The following NKAIN3 variants were observed in gnomAD, a reference collection of about 807,000 sequenced individuals.
NKAIN3 encodes the protein sodium/potassium transporting ATPase interacting 3.
A neutral mutation model predicts 30.2 loss-of-function variants in NKAIN3; 25 were observed. The ratio of observed to expected loss-of-function variants is 0.83; its 90% CI spans 0.60 to 1.16. The LOEUF (loss-of-function observed/expected upper bound fraction) is 1.16. NKAIN3 is among the 50% of genes most tolerant of loss of function. NKAIN3 has a pLI of 0.00. For synonymous variants in NKAIN3, 91 were observed against 89.6 expected (o/e 1.02, Z -0.09); for missense variants, 225 against 254.1 (o/e 0.89, Z 0.78).
intron 1 of NKAIN3, among the ~76,000 whole-genome samples, chr8:62,260,308 G>A (rs1812397377): frequency 6.6e-6 from 1 of 152,120 alleles, no homozygotes. Context: ...CTACACTCAA[G>A]TTATATTTCC....
intron 4 of NKAIN3, among the ~76,000 whole-genome samples, chr8:62,806,955 A>C (rs1444439812): frequency 1.3e-5 from 2 of 152,132 alleles, no homozygotes; most frequent in African/African-American, 4.8e-5. Flanking sequence ...GTGCGTGATG[A>C]AACGTAGTGA....
chr8:62,863,690 G>T, intron 4 of NKAIN3: 4 of 1,444,184 alleles, frequency 2.8e-6, no homozygotes, highest in African/African-American at 1.4e-5. Context: ...TTCATCCAAG[G>T]CTGTGTCTGT....
At chr8:62,856,903 T>G in intron 4 of NKAIN3, 1 of 581,862 alleles carries the variant, frequency 1.7e-6, no homozygotes, top group Non-Finnish European at 3.2e-6. Context: ...GATGCTCATG[T>G]CAAAGGGAGT....
intron 1 of NKAIN3, among the ~76,000 whole-genome samples, chr8:62,432,016 T>A (rs1805017202): frequency 6.6e-6 from 1 of 151,596 alleles, no homozygotes; most frequent in Non-Finnish European, 1.5e-5. Flanking sequence ...CAATAGGAAA[T>A]TAATGGAGAA....
intron 3 of NKAIN3, among the ~76,000 whole-genome samples, chr8:62,636,644 G>T (rs557499959): frequency 6.6e-6 from 1 of 152,140 alleles, no homozygotes; most frequent in Non-Finnish European, 1.5e-5. Flanking sequence ...GTACCTCTAG[G>T]GGAGCATTTT....
At chr8:62,635,041 G>A (rs979088451) in intron 3 of NKAIN3, among the ~76,000 whole-genome samples, 6 of 151,990 alleles carry the variant, frequency 3.9e-5, no homozygotes, top group African/African-American at 7.2e-5. Flanking sequence ...CTGGGGGGTC[G>A]GGGGCATGGG....
At chr8:62,294,883 TCA>T (rs1205446349) in intron 1 of NKAIN3, among the ~76,000 whole-genome samples, 1 of 152,078 alleles carries the variant, frequency 6.6e-6, no homozygotes, top group East Asian at 1.9e-4. Flanking sequence ...CCTACATAGT[TCA>T]AATTCTAGAG....
chr8:62,336,396 G>T (rs952059641), intron 1 of NKAIN3, among the ~76,000 whole-genome samples: 1 of 152,058 alleles, frequency 6.6e-6, no homozygotes, highest in East Asian at 1.9e-4. Flanking sequence ...CAAACTTTCT[G>T]CCAGTACAGA....
At chr8:62,776,176 T>G (rs1563556488) in intron 4 of NKAIN3, among the ~76,000 whole-genome samples, 1 of 152,130 alleles carries the variant, frequency 6.6e-6, no homozygotes, top group African/African-American at 2.4e-5. Flanking sequence ...AGTGTGTTTC[T>G]TCTAGGGGTC....
intron 3 of NKAIN3, among the ~76,000 whole-genome samples, chr8:62,658,333 A>C (rs1342188121): frequency 6.6e-6 from 1 of 152,152 alleles, no homozygotes; most frequent in Non-Finnish European, 1.5e-5. Flanking sequence ...GCAAAATTTA[A>C]TTTCGCGGTG....
intron 1 of NKAIN3, among the ~76,000 whole-genome samples, chr8:62,396,038 A>C (rs2351659): frequency 6.6e-6 from 1 of 151,986 alleles, no homozygotes; most frequent in Non-Finnish European, 1.5e-5. Flanking sequence ...TGAAGAAAAA[A>C]GAGGTTTTTA....
chr8:62,670,742 G>C (rs73682630), intron 3 of NKAIN3, among the ~76,000 whole-genome samples: 2 of 151,992 alleles, frequency 1.3e-5, no homozygotes, highest in Non-Finnish European at 2.9e-5. Context: ...CTCTTCTGAG[G>C]CTTCAAAAAT....
chr8:62,740,470 A>G (rs538358054), intron 3 of NKAIN3, among the ~76,000 whole-genome samples: 30 of 152,280 alleles, frequency 2.0e-4, no homozygotes, highest in Non-Finnish European at 3.1e-4. Context: ...AGGCAAAAAA[A>G]TGATTATTGT....
At chr8:62,480,398 T>C (rs1181076274) in intron 1 of NKAIN3, among the ~76,000 whole-genome samples, 1 of 152,036 alleles carries the variant, frequency 6.6e-6, no homozygotes, top group African/African-American at 2.4e-5. Context: ...TTTTTGTCTG[T>C]CAATCATACT....
At chr8:62,386,495 G>A (rs1439891070) in intron 1 of NKAIN3, among the ~76,000 whole-genome samples, 6 of 152,028 alleles carry the variant, frequency 3.9e-5, no homozygotes, top group Admixed American at 6.6e-5. Context: ...ATTGTTCTAC[G>A]ATCTCAATGT....
chr8:62,705,226 C>A (rs369724715), intron 3 of NKAIN3, among the ~76,000 whole-genome samples: 1 of 152,146 alleles, frequency 6.6e-6, no homozygotes, highest in African/African-American at 2.4e-5. Flanking sequence ...TGAACAATTT[C>A]TCTTTCACTT....
At chr8:62,587,602 C>T (rs1346568496) in intron 2 of NKAIN3, among the ~76,000 whole-genome samples, 1 of 151,878 alleles carries the variant, frequency 6.6e-6, no homozygotes, top group African/African-American at 2.4e-5. Context: ...TTAAGCATCC[C>T]AGCTCTGAAA....
chr8:62,515,006 T>C (rs1807939970), intron 1 of NKAIN3, among the ~76,000 whole-genome samples: 1 of 152,068 alleles, frequency 6.6e-6, no homozygotes, highest in African/African-American at 2.4e-5. Context: ...TAATTTTCAT[T>C]TTCTCCCCCA....
intron 1 of NKAIN3, among the ~76,000 whole-genome samples, chr8:62,283,035 T>A (rs1053045804): frequency 3.9e-5 from 6 of 152,190 alleles, no homozygotes; most frequent in Non-Finnish European, 7.3e-5. Context: ...ATGGCTCAAG[T>A]GCACCACACC....
Sources: allele counts gnomAD v4.1 joint callset (sites outside exome capture counted in the v4.1 genomes callset), GRCh38; gene constraint gnomAD v4.1.1; transcripts MANE v1.5; gene names NCBI Gene and HGNC (gene_info 2026-07-23, HGNC 2026-07-21).